The following WDR3 variants were observed in gnomAD, a reference collection of about 807,000 sequenced individuals.
WDR3 encodes WD repeat domain 3.
A neutral mutation model predicts 123.7 loss-of-function variants in WDR3; 81 were observed. The observed-to-expected ratio is 0.65, with a 90% CI of 0.55 to 0.79. The LOEUF (loss-of-function observed/expected upper bound fraction) is 0.79, where lower values mean the gene tolerates loss of function less well. WDR3 is among the 30% of genes least tolerant of loss of function. WDR3 has a pLI of 0.00. For missense variants in WDR3, 1,027 were observed against 1,123.2 expected (o/e 0.91, Z 1.22); for synonymous variants, 390 against 388.8 (o/e 1.00, Z -0.04).
At position 117,961,739 on chromosome 1, in the gene WDR3, G is replaced by C. The variant is rs1403731208; in HGVS notation, c.*2292G>C. 6.6e-6 allele frequency: 1 copy of C among 152,110 alleles called. No individual in the cohort carries two copies. The highest frequency in any genetic ancestry group is 1.9e-4 in the East Asian group (1 of 5,176). 9.4% of individuals were successfully genotyped at this position (152,110 alleles called of 1,614,324 possible). On this transcript the variant is annotated 3_prime_UTR_variant, in exon 27 of 27. Coordinates refer to ENST00000349139, the MANE Select transcript of WDR3 (RefSeq NM_006784.3). Reference sequence around the variant, plus strand: ...ACTGAAGTGAGTAAGGGATGCAGTGGTGTTATTTGTTGGGCAGAATAAATA... The same window carrying C: ...ACTGAAGTGAGTAAGGGATGCAGTGCTGTTATTTGTTGGGCAGAATAAATA...
At chr1:117,933,663 T>C (rs1264187029) in intron 2 of WDR3, 173 bp downstream of exon 2, 1 of 766,422 alleles carries the variant, frequency 1.3e-6, no homozygotes, top group Non-Finnish European at 2.2e-6. Flanking sequence ...TCCTTTGTGT[T>C]CTTCGCCACT....
intron 21 of WDR3, 42 bp downstream of exon 21, chr1:117,953,583 T>A (rs767572111): frequency 1.3e-6 from 2 of 1,589,282 alleles, no homozygotes; most frequent in African/African-American, 2.7e-5. Context: ...TTTAATAAGA[T>A]CTCAACTTTT....
rs1449460716 is a variant in WDR3 at position 117,939,667 on chromosome 1, T to G, written c.675+95T>G. 33 of 1,219,824 alleles carry G rather than the reference T, an allele frequency of 2.7e-5. No homozygotes were observed. The East Asian group carries it at 6.5e-4, about 24-fold the overall frequency. The allele number at this position is 1,219,824 out of a possible 1,614,324, so 75.6% of individuals were successfully genotyped here. On this transcript the variant is annotated intron_variant, in intron 6 of 26. Coordinates refer to ENST00000349139, the MANE Select transcript of WDR3 (RefSeq NM_006784.3). ...TGTAATTATTCAGTACTTCACATCA[T>G]ATTAGAAGGAATTCTATCACACCAA...
intron 16 of WDR3, among the ~76,000 whole-genome samples, chr1:117,951,158 T>C (rs1254828580): frequency 6.6e-6 from 1 of 152,092 alleles, no homozygotes; most frequent in African/African-American, 2.4e-5. Flanking sequence ...AATAGTACTT[T>C]ATTGTTTAAA....
At position 117,963,069 on chromosome 1, in the gene WDR3, TGAGGTTTTTGG is replaced by T. The variant is rs1266820786; in HGVS notation, c.*3625_*3635del. Reference sequence around the variant, plus strand: ...TATTCAAGTCCTTTCTCTTTATTTCTGAGGTTTTTGGGATCCAAGCAGCCCTGGTATGTTTT... The same window carrying T: ...TATTCAAGTCCTTTCTCTTTATTTCTGATCCAAGCAGCCCTGGTATGTTTT... On this transcript the variant is annotated 3_prime_UTR_variant, in exon 27 of 27. Transcript: ENST00000349139. The T allele has an allele frequency of 6.6e-6, 1 of 152,248 alleles. No homozygotes were observed. The highest frequency in any genetic ancestry group is 1.5e-5 in the Non-Finnish European group (1 of 68,070). 9.4% of individuals were successfully genotyped at this position (152,248 alleles called of 1,614,324 possible). A position where few individuals can be genotyped will look rare whatever the true frequency, so the allele number is the denominator to read the frequency against.
intron 1 of WDR3, among the ~76,000 whole-genome samples, chr1:117,932,631 T>A (rs1044206805): frequency 6.6e-6 from 1 of 152,174 alleles, no homozygotes; most frequent in African/African-American, 2.4e-5. Flanking sequence ...TTGAAAAATA[T>A]GTTCAGTCTC....
rs1227109886 is a variant in WDR3, at chr1:117,942,131, G to A, written c.989+284G>A. Among the ~76,000 whole-genome samples, 4 of 152,240 alleles carry A rather than the reference G, an allele frequency of 2.6e-5. 1 individual carries two copies. Among genetic ancestry groups the A allele is most frequent in the South Asian group, 4.1e-4 (2 of 4,826 alleles). ...AAGTCCTGAAATTAGAAAAATAACC[G>A]GAGACATTTCAGTGGAATAGTTGGA... On this transcript the variant is annotated intron_variant, in intron 9 of 26. Transcript: ENST00000349139.
intron 3 of WDR3, among the ~76,000 whole-genome samples, chr1:117,936,384 A>C (rs977973467): frequency 6.6e-6 from 1 of 152,152 alleles, no homozygotes; most frequent in Non-Finnish European, 1.5e-5. Context: ...AAAAATTTTT[A>C]AATAAGTTGT....
intron 4 of WDR3, among the ~76,000 whole-genome samples, chr1:117,937,992 C>T (rs1442611083): frequency 1.3e-5 from 2 of 152,168 alleles, no homozygotes; most frequent in African/African-American, 4.8e-5. Context: ...AAATGAGAAG[C>T]TGTTAAAATA....
rs1024232625 is a variant in WDR3, at chr1:117,959,391, G to A, written c.2776G>A (p.Glu926Lys). 1 of 1,613,808 alleles carries A rather than the reference G, an allele frequency of 6.2e-7. No homozygotes were observed. Among genetic ancestry groups the A allele is most frequent in the African/African-American group, 1.3e-5 (1 of 75,028 alleles). ...MFFADATSHL[E>K]EKKRKRKKRE... is the part of the protein sequence containing the mutation. ...TTTTGCTGATGCTACTAGCCACTTGGAAGAGAAGAAGAGGAAGAGGAAAAA... is the reference window on the plus strand; with the variant it reads ...TTTTGCTGATGCTACTAGCCACTTGAAAGAGAAGAAGAGGAAGAGGAAAAA... Residue 926 changes from glutamate to lysine, a missense_variant, in exon 27 of 27, where the codon GAA becomes AAA. Glu to Lys is a moderately conservative substitution (Grantham distance 56). Transcript: ENST00000349139.
Position 117,959,655 on chromosome 1 carries a change from ATTAG to A in WDR3, c.*211_*214del. The A allele has an allele frequency of 2.3e-6, 1 of 433,372 alleles. No homozygotes were observed. Among genetic ancestry groups the A allele is most frequent in the Admixed American group, 4.2e-5 (1 of 23,822 alleles). The allele number at this position is 433,372 out of a possible 1,614,324, so 26.8% of individuals were successfully genotyped here. ...CCATTTCTTGGACTTAAAATGCATT[ATTAG>A]TTTAAAAATCTTTCTGTGCTCTCAA... On this transcript the variant is annotated 3_prime_UTR_variant, in exon 27 of 27. Coordinates refer to ENST00000349139, the MANE Select transcript of WDR3 (RefSeq NM_006784.3).
Position 117,961,992 on chromosome 1 carries a change from T to G in WDR3, c.*2545T>G, listed in dbSNP as rs1653161128. ...GCTCATCAGAACATAAATGTCACTT[T>G]CTAGTAACATTTTTGATGGTTTCCA... On this transcript the variant is annotated 3_prime_UTR_variant, in exon 27 of 27. Transcript: ENST00000349139. The G allele has an allele frequency of 6.6e-6, 1 of 151,906 alleles. No individual in the cohort carries two copies. The highest frequency in any genetic ancestry group is 2.1e-4 in the South Asian group (1 of 4,806). 9.4% of individuals were successfully genotyped at this position (151,906 alleles called of 1,614,324 possible).
chr1:117,951,743 C>G (rs1265316704), intron 16 of WDR3, among the ~76,000 whole-genome samples: 1 of 152,064 alleles, frequency 6.6e-6, no homozygotes, highest in South Asian at 2.1e-4. Flanking sequence ...CAGCACTGCC[C>G]TGTGACAGTA....
chr1:117,937,613 A>G (rs1472098034), intron 4 of WDR3, among the ~76,000 whole-genome samples: 2 of 152,202 alleles, frequency 1.3e-5, no homozygotes, highest in Non-Finnish European at 2.9e-5. Flanking sequence ...GAAAAAATAT[A>G]TATTACAGCT....
At chr1:117,934,214 G>A (rs1650838813) in intron 2 of WDR3, among the ~76,000 whole-genome samples, 1 of 152,154 alleles carries the variant, frequency 6.6e-6, no homozygotes, top group Non-Finnish European at 1.5e-5. Context: ...TTATTGCCTA[G>A]GGAGTTTTTA....
intron 12 of WDR3, 75 bp downstream of exon 12, chr1:117,946,254 C>A: frequency 8.3e-7 from 1 of 1,209,768 alleles, no homozygotes; most frequent in South Asian, 1.6e-5. Flanking sequence ...TCTGGTTCTT[C>A]TTTTTAGCAT....
At chr1:117,947,034 T>C (rs1190884471) in intron 12 of WDR3, among the ~76,000 whole-genome samples, 1 of 152,106 alleles carries the variant, frequency 6.6e-6, no homozygotes, top group Non-Finnish European at 1.5e-5. Flanking sequence ...GACACTTGCT[T>C]TTTGACAGCA....
rs774116116 is a variant in WDR3 at position 117,934,592 on chromosome 1, G to A, written c.291G>A (p.Gly97=). 24 of 1,614,026 alleles carry A rather than the reference G, an allele frequency of 1.5e-5. No individual in the cohort carries two copies. The highest frequency in any genetic ancestry group is 2.0e-5 in the Non-Finnish European group (24 of 1,180,020). The change falls in exon 3 of 27, where the codon GGG becomes GGA. Residue 97 remains glycine, a synonymous_variant. Transcript: ENST00000349139. ...TCCGAATCTTCAGTCTCCTGAGTGG[G>A]GAAGGAAATGTGACCTTCAATGGTC... The part of the protein sequence containing the change: ...GSIRIFSLLS[G]EGNVTFNGHK...
intron 13 of WDR3, among the ~76,000 whole-genome samples, chr1:117,949,242 T>C (rs1475927019): frequency 6.6e-6 from 1 of 152,084 alleles, no homozygotes; most frequent in African/African-American, 2.4e-5. Flanking sequence ...TACGGAAAGG[T>C]TGTTTCCTGT....
Sources: gnomAD v4.1 joint callset for allele counts (sites outside exome capture counted in the v4.1 genomes callset) on GRCh38, gnomAD v4.1.1 for gene constraint, MANE v1.5 for transcripts, NCBI Gene and HGNC (gene_info 2026-07-23, HGNC 2026-07-21) for gene names.